Variants in LHFPL3 observed in about 807,000 individuals in gnomAD.
The protein encoded by LHFPL3 is LHFPL tetraspan subfamily member 3 protein.
Under a neutral mutation model 19.3 loss-of-function variants are expected in LHFPL3, and 5 were observed. The observed-to-expected ratio is 0.26, with a 90% CI of 0.14 to 0.54. The LOEUF is 0.54. Among genes scored for constraint, LHFPL3 ranks in the 20% least tolerant of loss-of-function variants. The probability of loss-of-function intolerance (pLI) is 0.94; values close to 1 mark genes in which losing one functional copy is unlikely to be tolerated. For missense variants in LHFPL3, 249 were observed against 307.4 expected, an observed-to-expected ratio of 0.81 and a Z score of 1.42; for synonymous variants, 133 against 126.2, an observed-to-expected ratio of 1.05 and a Z score of -0.36.
intron 1 of LHFPL3, among the ~76,000 whole-genome samples, chr7:104,465,723 A>T (rs1179649116): frequency 6.6e-6 from 1 of 152,122 alleles, no homozygotes; most frequent in African/African-American, 2.4e-5. Flanking sequence ...AATTACTCCC[A>T]CTGGGTCCCT....
chr7:104,758,752 GCATGTAAT>G (rs1794326786), intron 2 of LHFPL3, among the ~76,000 whole-genome samples: 1 of 152,056 alleles, frequency 6.6e-6, no homozygotes, highest in South Asian at 2.1e-4. Context: ...CGAGATAGAT[GCATGTAAT>G]CAGTCCTAGG....
At chr7:104,338,159 C>T (rs1204073392) in intron 1 of LHFPL3, among the ~76,000 whole-genome samples, 3 of 123,194 alleles carry the variant, frequency 2.4e-5, no homozygotes, top group African/African-American at 9.5e-5. Context: ...AGTGCAGTGG[C>T]GCGATCTCAG....
chr7:104,418,280 A>G (rs914127352), intron 1 of LHFPL3, among the ~76,000 whole-genome samples: 3 of 152,218 alleles, frequency 2.0e-5, no homozygotes, highest in Admixed American at 1.3e-4. Flanking sequence ...TGCACCAGGC[A>G]CAATAGATGA....
intron 1 of LHFPL3, among the ~76,000 whole-genome samples, chr7:104,517,795 A>C (rs1793950497): frequency 1.3e-5 from 2 of 152,074 alleles, no homozygotes; most frequent in South Asian, 4.1e-4. Context: ...GGCATGAGTG[A>C]CCATGCCCGG....
At chr7:104,506,960 A>T (rs548804503) in intron 1 of LHFPL3, among the ~76,000 whole-genome samples, 1 of 152,226 alleles carries the variant, frequency 6.6e-6, no homozygotes, top group Admixed American at 6.5e-5. Flanking sequence ...AAAGTATTCT[A>T]TTGGAGACCA....
chr7:104,834,134 C>A (rs1249464696), intron 2 of LHFPL3, among the ~76,000 whole-genome samples: 1 of 151,088 alleles, frequency 6.6e-6, no homozygotes, highest in African/African-American at 2.5e-5. Flanking sequence ...TTAGATTGTG[C>A]CCTCCAGATT....
intron 1 of LHFPL3, among the ~76,000 whole-genome samples, chr7:104,358,828 A>T (rs1281474241): frequency 1.3e-5 from 2 of 152,164 alleles, no homozygotes; most frequent in African/African-American, 2.4e-5. Context: ...TTCAGGCTGG[A>T]TCTTTATTGA....
chr7:104,884,908 G>A (rs1436382871), intron 2 of LHFPL3, among the ~76,000 whole-genome samples: 1 of 152,172 alleles, frequency 6.6e-6, no homozygotes, highest in Non-Finnish European at 1.5e-5. Flanking sequence ...TGGAGAGAAG[G>A]AGAAGTGGAG....
chr7:104,902,876 T>C (rs1321350714), intron 2 of LHFPL3, among the ~76,000 whole-genome samples: 1 of 152,148 alleles, frequency 6.6e-6, no homozygotes, highest in Non-Finnish European at 1.5e-5. Context: ...CCAGAGCAGA[T>C]TCAAGAAGGG....
intron 1 of LHFPL3, among the ~76,000 whole-genome samples, chr7:104,454,445 C>A (rs1792502272): frequency 6.6e-6 from 1 of 152,136 alleles, no homozygotes; most frequent in African/African-American, 2.4e-5. Context: ...TTCTGCTAGT[C>A]CCTACTTGAG....
At chr7:104,863,150 T>G (rs1791648186) in intron 2 of LHFPL3, among the ~76,000 whole-genome samples, 1 of 152,192 alleles carries the variant, frequency 6.6e-6, no homozygotes, top group South Asian at 2.1e-4. Flanking sequence ...GGCTTTGTGG[T>G]ATTGATTCCA....
chr7:104,656,876 A>T (rs1167744888), intron 1 of LHFPL3, among the ~76,000 whole-genome samples: 1 of 152,262 alleles, frequency 6.6e-6, no homozygotes, highest in African/African-American at 2.4e-5. Context: ...CTTTTAAAGA[A>T]AGATCGTGGT....
At chr7:104,345,374 T>C (rs1452765372) in intron 1 of LHFPL3, among the ~76,000 whole-genome samples, 1 of 152,236 alleles carries the variant, frequency 6.6e-6, no homozygotes, top group Admixed American at 6.5e-5. Flanking sequence ...CTTTTTAAAA[T>C]ATTTCCTTCT....
At chr7:104,487,701 T>C (rs1199017836) in intron 1 of LHFPL3, among the ~76,000 whole-genome samples, 1 of 152,188 alleles carries the variant, frequency 6.6e-6, no homozygotes, top group East Asian at 1.9e-4. Flanking sequence ...ACGTGTTGAG[T>C]CCTTCTGAGT....
At chr7:104,544,392 C>G (rs1356257190) in intron 1 of LHFPL3, among the ~76,000 whole-genome samples, 2 of 152,264 alleles carry the variant, frequency 1.3e-5, no homozygotes, top group East Asian at 3.9e-4. Flanking sequence ...GGTGATTAGG[C>G]AAACACCCAC....
chr7:104,482,140 CTG>C (rs1793149101), intron 1 of LHFPL3, among the ~76,000 whole-genome samples: 1 of 152,194 alleles, frequency 6.6e-6, no homozygotes, highest in African/African-American at 2.4e-5. Context: ...TGAAATAACT[CTG>C]TAGTGCCTGC....
At chr7:104,462,400 C>A (rs1283984721) in intron 1 of LHFPL3, among the ~76,000 whole-genome samples, 2 of 152,070 alleles carry the variant, frequency 1.3e-5, no homozygotes, top group African/African-American at 2.4e-5. Flanking sequence ...AGGTATGTTC[C>A]TTCAATATGT....
At chr7:104,388,023 A>T (rs1790984139) in intron 1 of LHFPL3, among the ~76,000 whole-genome samples, 1 of 152,154 alleles carries the variant, frequency 6.6e-6, no homozygotes, top group Admixed American at 6.6e-5. Context: ...GCTCCCACTT[A>T]TAAGTGAGAA....
At chr7:104,386,289 G>C (rs1453572872) in intron 1 of LHFPL3, among the ~76,000 whole-genome samples, 1 of 152,200 alleles carries the variant, frequency 6.6e-6, no homozygotes, top group Non-Finnish European at 1.5e-5. Context: ...ACAGGGAATT[G>C]TCATTATCTG....
Sources: gnomAD v4.1 joint callset for allele counts (sites outside exome capture counted in the v4.1 genomes callset) on GRCh38, gnomAD v4.1.1 for gene constraint, MANE v1.5 for transcripts, NCBI Gene and HGNC (gene_info 2026-07-23, HGNC 2026-07-21) for gene names.